The following RHBDF1 variants were observed in gnomAD, a reference collection of about 807,000 sequenced individuals.
RHBDF1 encodes rhomboid 5 homolog 1.
A neutral mutation model predicts 98.6 loss-of-function variants in RHBDF1; 80 were observed. The observed-to-expected ratio is 0.81, with a 90% CI of 0.68 to 0.98. The LOEUF (loss-of-function observed/expected upper bound fraction) is 0.98. Ranked by LOEUF, RHBDF1 falls within the 50% of genes least tolerant of loss-of-function variation. RHBDF1 has a pLI of 0.00. For missense variants in RHBDF1, 1,116 were observed against 1,198.3 expected (o/e 0.93, Z 1.01); for synonymous variants, 512 against 486.8 (o/e 1.05, Z -0.68).
chr16:73,613 T>C (rs1303053754), upstream of RHBDF1, among the ~76,000 whole-genome samples: 1 of 152,198 alleles, frequency 6.6e-6, no homozygotes, highest in Non-Finnish European at 1.5e-5. Flanking sequence ...CGGGCAGGGC[T>C]GTCCAGGAGC....
chr16:58,506 C>T lies in RHBDF1; in HGVS notation c.2402G>A (p.Arg801His), dbSNP rs188819873. The T allele has an allele frequency of 7.4e-6, 12 of 1,614,078 alleles. No individual in the cohort carries two copies. Among genetic ancestry groups the T allele is most frequent in the Admixed American group, 3.3e-5 (2 of 60,032 alleles). ...CACCTGAAAGATGATGATCTGGCAG[C>T]GTTTCCGGTACAGGTCGAACTTGCC... ...SFGKFDLYRKRCQIIIFQVVF... is the reference protein window; with the variant it reads ...SFGKFDLYRKHCQIIIFQVVF... The change falls in exon 18 of 18, where the codon CGC becomes CAC. Residue 801 changes from arginine (R) to histidine (H), a missense_variant. By Grantham distance (29) the Arg-to-His change is conservative. Coordinates refer to ENST00000262316, the MANE Select transcript of RHBDF1 (RefSeq NM_022450.5).
At chr16:70,207 C>T (rs1897936233) in intron 1 of RHBDF1, among the ~76,000 whole-genome samples, 1 of 152,248 alleles carries the variant, frequency 6.6e-6, no homozygotes, top group Non-Finnish European at 1.5e-5. Flanking sequence ...GACTTAGCTA[C>T]ACTAGATTCT....
intron 1 of RHBDF1, among the ~76,000 whole-genome samples, chr16:67,463 C>T (rs538625344): frequency 6.6e-6 from 1 of 152,296 alleles, no homozygotes; most frequent in East Asian, 1.9e-4. Flanking sequence ...TGTGAGTGAC[C>T]TTTGCCAACA....
At chr16:75,460 G>C (rs1205749956), upstream of RHBDF1, among the ~76,000 whole-genome samples, 1 of 152,196 alleles carries the variant, frequency 6.6e-6, no homozygotes, top group Non-Finnish European at 1.5e-5. Context: ...AGAAGAAACC[G>C]CCCGGGGAGC....
chr16:58,133 A>T lies in RHBDF1; in HGVS notation c.*207T>A. On this transcript the variant is annotated 3_prime_UTR_variant, in exon 18 of 18. Coordinates refer to ENST00000262316, the MANE Select transcript of RHBDF1 (RefSeq NM_022450.5). ...AGGTGGTCGTCAAGAAACAAGTTAG[A>T]AGGTTATGACAGGAAGTAGTATAAT... is the stretch of plus-strand genomic sequence containing the variant. The T allele has an allele frequency of 1.8e-6, 1 of 546,890 alleles. No individual in the cohort carries two copies. The highest frequency in any genetic ancestry group is 4.9e-4 in the Middle Eastern group (1 of 2,050). 33.9% of individuals were successfully genotyped at this position (546,890 alleles called of 1,614,324 possible).
chr16:60,946 C>G (rs1897587593), intron 11 of RHBDF1, 174 bp downstream of exon 11: 18 of 671,876 alleles, frequency 2.7e-5, no homozygotes, highest in Non-Finnish European at 7.4e-6. Flanking sequence ...GGGCGAGGAG[C>G]TGGAGATGGG....
chr16:63,172 G>T lies in RHBDF1; in HGVS notation c.473C>A (p.Pro158His). Residue 158 changes from proline to histidine, a missense_variant, in exon 5 of 18, where the codon CCC becomes CAC. Pro to His is a moderately conservative substitution (Grantham distance 77). Coordinates refer to ENST00000262316, the MANE Select transcript of RHBDF1 (RefSeq NM_022450.5). ...CQLGMQKIID[P>H]LARGRAFRVA... The stretch of plus-strand genomic sequence containing the variant: ...ACGGAAGGCACGGCCACGGGCCAGG[G>T]GGTCTATGATCTGGAGGAGGGGAGG... The T allele has an allele frequency of 6.3e-7, 1 of 1,574,826 alleles. No individual in the cohort carries two copies. The highest frequency in any genetic ancestry group is 2.3e-5 in the East Asian group (1 of 43,348).
Position 61,914 on chromosome 16 carries a change from G to A in RHBDF1, c.1092C>T (p.Phe364=), listed in dbSNP as rs1156596389. Reference sequence around the variant, plus strand: ...GCCCATACGGCCGCTTCTCCCGGGCGAAGAGCTTGCGCACCGGCACCGCGA... The same window carrying A: ...GCCCATACGGCCGCTTCTCCCGGGCAAAGAGCTTGCGCACCGGCACCGCGA... ...QRIAVPVRKL[F]AREKRPYGLG... Residue 364 remains phenylalanine (F), a synonymous_variant, in exon 8 of 18, where the codon TTC becomes TTT. Transcript: ENST00000262316. 1.2e-6 allele frequency: 2 copies of A among 1,603,398 alleles called. No homozygotes were observed. Among genetic ancestry groups the A allele is most frequent in the South Asian group, 2.2e-5 (2 of 91,026 alleles).
At chr16:70,178 G>C (rs888926244) in intron 1 of RHBDF1, among the ~76,000 whole-genome samples, 19 of 152,220 alleles carry the variant, frequency 1.2e-4, no homozygotes, top group African/African-American at 2.2e-4. Context: ...CACACAGTCA[G>C]AAAGGGGATG....
Position 59,423 on chromosome 16 carries a change from G to A in RHBDF1, c.1889C>T (p.Ser630Phe). 6.2e-7 allele frequency: 1 copy of A among 1,613,780 alleles called. No homozygotes were observed. Residue 630 changes from serine (S) to phenylalanine (F), a missense_variant, in exon 15 of 18, where the codon TCT (serine) becomes TTT (phenylalanine). Physicochemically the swap from Ser to Phe is radical, Grantham distance 155. Transcript: ENST00000262316. The part of the protein sequence containing the change: ...GYFHEEATLC[S>F]QVHCMDDVCG... Reference sequence around the variant, plus strand: ...ACGGACACTCTGCAGACCTACCTGAGAGCAGAGCGTGGCCTCCTCATGGAA... The same window carrying A: ...ACGGACACTCTGCAGACCTACCTGAAAGCAGAGCGTGGCCTCCTCATGGAA...
intron 1 of RHBDF1, among the ~76,000 whole-genome samples, chr16:71,437 T>C (rs941885398): frequency 1.2e-4 from 18 of 152,198 alleles, no homozygotes; most frequent in African/African-American, 3.6e-4. Flanking sequence ...CTGCCCACCC[T>C]TGGGGTCGGG....
intron 3 of RHBDF1, 119 bp downstream of exon 3, chr16:64,580 G>C: frequency 6.5e-7 from 1 of 1,540,602 alleles, no homozygotes; most frequent in South Asian, 1.3e-5. Context: ...TGGGGACCGA[G>C]ATGGAGGAGG....
At position 59,280 on chromosome 16, in the gene RHBDF1, G is replaced by A. The variant is rs371392492; in HGVS notation, c.1963C>T (p.Arg655Cys). Residue 655 changes from arginine to cysteine, a missense_variant, in exon 16 of 18, where the codon CGC becomes TGC. Transcript: ENST00000262316. ...LNPEVPDQFY[R>C]LWLSLFLHAG... ...TGCAGGAAGAGGGATAGCCACAGGC[G>A]GTAGAACTGGTCAGGCACCTCGGGG... 13 of 1,609,984 alleles carry A rather than the reference G, an allele frequency of 8.1e-6. No homozygotes were observed. The highest frequency in any genetic ancestry group is 2.2e-5 in the South Asian group (2 of 90,396).
intron 11 of RHBDF1, 138 bp downstream of exon 11, chr16:60,982 A>G: frequency 1.1e-6 from 1 of 895,116 alleles, no homozygotes; most frequent in Non-Finnish European, 1.7e-6. Context: ...GGAGGAATGA[A>G]TATGACAAGG....
upstream of RHBDF1, chr16:74,638 G>C (rs889436310): frequency 6.6e-6 from 1 of 152,204 alleles, no homozygotes; most frequent in Non-Finnish European, 1.5e-5. Flanking sequence ...GATGATCAGA[G>C]GGGGGTCGAT....
chr16:63,104 G>T lies in RHBDF1; in HGVS notation c.541C>A (p.Pro181Thr). Residue 181 changes from proline (P) to threonine (T), a missense_variant, in exon 5 of 18, where the codon CCC becomes ACC. Transcript: ENST00000262316. ...TAEGLSAPHTPVTPGAASLCS... is the reference protein window; with the variant it reads ...TAEGLSAPHTTVTPGAASLCS... Reference sequence around the variant, plus strand: ...AGGGAGGCAGCACCCGGCGTGACGGGAGTGTGTGGGGCACTCAGGCCTTCC... The same window carrying T: ...AGGGAGGCAGCACCCGGCGTGACGGTAGTGTGTGGGGCACTCAGGCCTTCC... The T allele has an allele frequency of 1.2e-6, 2 of 1,607,980 alleles. No individual in the cohort carries two copies. Among genetic ancestry groups the T allele is most frequent in the Non-Finnish European group, 1.7e-6 (2 of 1,177,876 alleles).
intron 3 of RHBDF1, 171 bp from the exon 4 acceptor site, chr16:63,971 C>T: frequency 1.3e-6 from 1 of 761,194 alleles, no homozygotes; most frequent in South Asian, 1.5e-5. Flanking sequence ...CAGCCACCCC[C>T]TGAACTGTTA....
In RHBDF1 at chr16:62,007, G is replaced by A. The variant is rs748361604; in HGVS notation, c.999C>T (p.Ala333=). The part of the protein sequence containing the change: ...GWRKQKEGAA[A]PQPKVRLRQE... ...GTCGGAGCCGCACCTTGGGCTGCGG[G>A]GCTGCGGCGCCCTCCTTCTGCTTCC... Residue 333 remains alanine, a synonymous_variant, in exon 8 of 18, where the codon GCC becomes GCT. Coordinates refer to ENST00000262316, the MANE Select transcript of RHBDF1 (RefSeq NM_022450.5). The A allele has an allele frequency of 1.9e-6, 3 of 1,546,302 alleles. No individual in the cohort carries two copies. The highest frequency in any genetic ancestry group is 2.4e-5 in the East Asian group (1 of 41,778).
chr16:62,209 G>A (rs983042981), intron 7 of RHBDF1, 157 bp from the exon 8 acceptor site: 12 of 1,044,528 alleles, frequency 1.1e-5, no homozygotes, highest in African/African-American at 4.9e-5. Context: ...GCAACACTGC[G>A]GGCCTCCGGG....
Sources: allele counts gnomAD v4.1 joint callset (sites outside exome capture counted in the v4.1 genomes callset), GRCh38; gene constraint gnomAD v4.1.1; transcripts MANE v1.5; gene names NCBI Gene and HGNC (gene_info 2026-07-23, HGNC 2026-07-21).